The following JAK2 variants were observed in gnomAD, a reference collection of about 807,000 sequenced individuals.
The protein encoded by JAK2 is Janus kinase 2, also known as tyrosine-protein kinase JAK2.
Under a neutral mutation model 139.3 loss-of-function variants are expected in JAK2, and 86 were observed. The observed-to-expected ratio is 0.62, with a 90% CI of 0.52 to 0.74. The LOEUF (loss-of-function observed/expected upper bound fraction) is 0.74, where lower values mean the gene tolerates loss of function less well. Among genes scored for constraint, JAK2 ranks in the 30% least tolerant of loss-of-function variants. JAK2 has a pLI of 0.00. For synonymous variants in JAK2, 490 were observed against 437.7 expected (o/e 1.12, Z -1.49); for missense variants, 1,421 against 1,360.3 (o/e 1.04, Z -0.70).
chr9:5,029,400 TAATAAAAAAGTTTGAAG>T (rs1822994051), intron 3 of JAK2, among the ~76,000 whole-genome samples: 2 of 152,088 alleles, frequency 1.3e-5, no homozygotes, highest in South Asian at 4.1e-4. Context: ...ACTGATATAA[TAATAAAAAAGTTTGAAG>T]TATTGCAAGA....
At position 5,082,989 on chromosome 9, in the gene JAK2, T is replaced by C. The variant is rs146331552; in HGVS notation, c.2571+1128T>C. On this transcript the variant is annotated intron_variant, in intron 19 of 24. Coordinates refer to ENST00000381652, the MANE Select transcript of JAK2 (RefSeq NM_004972.4). ...ACAGTAACACACTGATCTCTCTTTC[T>C]TTTCCCTATAACTGAAGAACTTTTC... 2.1e-3 allele frequency among the ~76,000 whole-genome samples: 315 copies of C among 152,318 alleles called. 2 individuals are homozygous for C. Among genetic ancestry groups the C allele is most frequent in the African/African-American group, 7.3e-3 (303 of 41,562 alleles).
intron 22 of JAK2, among the ~76,000 whole-genome samples, chr9:5,096,416 C>G (rs185307178): frequency 1.3e-5 from 2 of 152,136 alleles, no homozygotes; most frequent in Admixed American, 1.3e-4. Context: ...CTTGCTAGAT[C>G]GGTGGAATTC....
At chr9:5,043,114 GC>G (rs1458573702) in intron 4 of JAK2, among the ~76,000 whole-genome samples, 3 of 152,162 alleles carry the variant, frequency 2.0e-5, no homozygotes, top group Admixed American at 1.3e-4. Flanking sequence ...ATGCCTTAAA[GC>G]CCCCGACCCA....
chr9:5,121,417 G>A, intron 22 of JAK2, among the ~76,000 whole-genome samples: 1 of 152,134 alleles, frequency 6.6e-6, no homozygotes, highest in Middle Eastern at 3.2e-3. Context: ...TTGGTAATTG[G>A]AGTGACTTTG....
chr9:5,035,642 A>G (rs1485440312), intron 4 of JAK2, among the ~76,000 whole-genome samples: 4 of 152,148 alleles, frequency 2.6e-5, no homozygotes, highest in Admixed American at 2.0e-4. Flanking sequence ...CCATATGATT[A>G]TCTCAGAGGC....
At chr9:5,081,979 T>C (rs1394807103) in intron 19 of JAK2, 118 bp downstream of exon 19, 2 of 844,696 alleles carry the variant, frequency 2.4e-6, no homozygotes, top group East Asian at 2.5e-5. Flanking sequence ...AAAAAAAAGG[T>C]TTGGTTGTCA....
intron 3 of JAK2, 59 bp from the exon 4 acceptor site, chr9:5,029,724 C>T: frequency 1.4e-6 from 2 of 1,409,810 alleles, no homozygotes; most frequent in Non-Finnish European, 1.9e-6. Flanking sequence ...ATTATAGGTG[C>T]TATGTAAAAA....
chr9:5,078,006 T>A (rs562706237), intron 15 of JAK2, among the ~76,000 whole-genome samples: 1 of 152,300 alleles, frequency 6.6e-6, no homozygotes, highest in South Asian at 2.1e-4. Context: ...ACTGAAGTAG[T>A]ATTTCTTAAT....
chr9:5,112,816 G>C (rs765456027), intron 22 of JAK2: 5 of 552,178 alleles, frequency 9.1e-6, no homozygotes, highest in East Asian at 3.8e-5. Flanking sequence ...ACCTGGGCTT[G>C]AGTGAAGCCC....
intron 2 of JAK2, among the ~76,000 whole-genome samples, chr9:4,998,763 C>A (rs1303805395): frequency 1.3e-5 from 2 of 151,588 alleles, no homozygotes; most frequent in African/African-American, 4.8e-5. Context: ...CAACAAAAAA[C>A]CAAAACCAGA....
intron 2 of JAK2, among the ~76,000 whole-genome samples, chr9:5,002,711 A>G: frequency 6.6e-6 from 1 of 151,952 alleles, no homozygotes; most frequent in Non-Finnish European, 1.5e-5. Context: ...AATTCCTGAG[A>G]AATGAGTATT....
In JAK2 at chr9:5,054,413, T is replaced by C. The variant is rs1817622616; in HGVS notation, c.615-150T>C. The C allele has an allele frequency of 1.0e-5, 6 of 595,600 alleles. No individual in the cohort carries two copies. 36.9% of individuals were successfully genotyped at this position (595,600 alleles called of 1,614,324 possible). ...ATCTTAAAGTTTTATACTGTATGGA[T>C]GGGGGTTATGTCAACTTACGCCACT... On this transcript the variant is annotated intron_variant, in intron 6 of 24. Coordinates refer to ENST00000381652, the MANE Select transcript of JAK2 (RefSeq NM_004972.4). The surrounding 1 kb of genome is among the most constrained non-coding windows in gnomAD (Gnocchi z 4.9).
At chr9:5,041,066 T>C in intron 4 of JAK2, 1 of 690,402 alleles carries the variant, frequency 1.4e-6, no homozygotes, top group Admixed American at 2.1e-5. Flanking sequence ...AGGGCGTCCC[T>C]CAGGTCTACT....
At chr9:5,090,001 G>GTGTT (rs1379604597) in intron 20 of JAK2, 138 bp downstream of exon 20, 2 of 484,796 alleles carry the variant, frequency 4.1e-6, no homozygotes, top group East Asian at 7.0e-5. Context: ...ACTAGAGATT[G>GTGTT]TGTTTGGTGA....
intron 10 of JAK2, among the ~76,000 whole-genome samples, chr9:5,068,188 A>G (rs1472339786): frequency 1.4e-4 from 20 of 148,056 alleles, no homozygotes; most frequent in Non-Finnish European, 2.6e-4. Flanking sequence ...AAAAAAAAAA[A>G]ACAAGAAAGG....
chr9:5,054,446 T>G lies in JAK2; in HGVS notation c.615-117T>G. 1 of 773,414 alleles carries G rather than the reference T, an allele frequency of 1.3e-6. No homozygotes were observed. Among genetic ancestry groups the G allele is most frequent in the Non-Finnish European group, 2.1e-6 (1 of 475,264 alleles). The allele number at this position is 773,414 out of a possible 1,614,324, so 47.9% of individuals were successfully genotyped here. On this transcript the variant is annotated intron_variant, in intron 6 of 24. Coordinates refer to ENST00000381652, the MANE Select transcript of JAK2 (RefSeq NM_004972.4). The surrounding 1 kb of genome is among the most constrained non-coding windows in gnomAD (Gnocchi z 4.9). ...ATGTCAACTTACGCCACTTGGCCACTGTGTTGTAAGGCCTACTTAATCATG... is the reference window on the plus strand; with the variant it reads ...ATGTCAACTTACGCCACTTGGCCACGGTGTTGTAAGGCCTACTTAATCATG...
chr9:4,998,056 T>G (rs1820685118), intron 2 of JAK2, among the ~76,000 whole-genome samples: 1 of 152,232 alleles, frequency 6.6e-6, no homozygotes, highest in South Asian at 2.1e-4. Flanking sequence ...TTTAAACAAC[T>G]TCTAGATTTT....
intron 22 of JAK2, chr9:5,097,052 C>A (rs1044933779): frequency 6.6e-6 from 1 of 152,112 alleles, no homozygotes; most frequent in Non-Finnish European, 1.5e-5. Flanking sequence ...ACAGTTTATC[C>A]CCCTTTAGCT....
chr9:5,112,956 T>A (rs1269017660), intron 22 of JAK2: 2 of 209,124 alleles, frequency 9.6e-6, no homozygotes, highest in Admixed American at 1.2e-4. Flanking sequence ...CTCACACAAC[T>A]GTTGTCAGCA....
Sources: gnomAD v4.1 joint callset for allele counts (sites outside exome capture counted in the v4.1 genomes callset) on GRCh38, gnomAD v4.1.1 for gene constraint, Gnocchi (gnomAD v3.1) non-coding constraint, MANE v1.5 for transcripts, NCBI Gene and HGNC (gene_info 2026-07-23, HGNC 2026-07-21) for gene names.